PICK1: variants seen among roughly 807,000 people sequenced by gnomAD.
PICK1 encodes the protein PRKCA-binding protein.
PICK1 carries 23 observed loss-of-function variants against 48.9 expected under a neutral mutation model. The observed-to-expected ratio is 0.47, with a 90% CI of 0.34 to 0.67. The LOEUF is 0.67. Ranked by LOEUF, PICK1 falls within the 30% of genes least tolerant of loss-of-function variation. The pLI is 0.01. For missense variants in PICK1, 423 were observed against 557.1 expected (o/e 0.76, Z 2.42); for synonymous variants, 217 against 228.2 (o/e 0.95, Z 0.44).
intron 3 of PICK1, among the ~76,000 whole-genome samples, chr22:38,063,757 C>T (rs1447128685): frequency 6.6e-6 from 1 of 151,838 alleles, no homozygotes; most frequent in Non-Finnish European, 1.5e-5. Flanking sequence ...ATCCTCCCAC[C>T]TCAGCCTCCC....
Position 38,067,588 on chromosome 22 carries a change from T to C in PICK1, c.283-116T>C, listed in dbSNP as rs2085560666. On this transcript the variant is annotated intron_variant, in intron 4 of 12. Coordinates refer to ENST00000356976, the MANE Select transcript of PICK1 (RefSeq NM_012407.4). ...CCTCCCAAATTGTTGGGATTACAGG[T>C]GTGAGCCACCGCACCCGGCCTTGGG... is the stretch of plus-strand genomic sequence containing the variant. The C allele has an allele frequency of 8.2e-6, 7 of 852,440 alleles. No individual in the cohort carries two copies. In the Admixed American group the frequency reaches 1.3e-4, roughly 16 times the overall value. 52.8% of individuals were successfully genotyped at this position (852,440 alleles called of 1,614,324 possible).
At chr22:38,061,987 T>C (rs1009989959) in intron 3 of PICK1, among the ~76,000 whole-genome samples, 2 of 152,170 alleles carry the variant, frequency 1.3e-5, no homozygotes, top group African/African-American at 4.8e-5. Context: ...ACAACGGAGA[T>C]TTTGTTCGGG....
At chr22:38,059,461 C>T in intron 3 of PICK1, 116 bp downstream of exon 3, 1 of 768,664 alleles carries the variant, frequency 1.3e-6, no homozygotes, top group African/African-American at 1.7e-5. Context: ...GTCTGACCCT[C>T]TCAGAGGGGC....
intron 6 of PICK1, among the ~76,000 whole-genome samples, chr22:38,069,479 C>T (rs2085621135): frequency 1.3e-5 from 2 of 152,228 alleles, no homozygotes; most frequent in Admixed American, 1.3e-4. Context: ...GCTGCCCTTG[C>T]CTCTGCAGGT....
intron 3 of PICK1, among the ~76,000 whole-genome samples, chr22:38,060,249 G>A (rs1488584378): frequency 6.6e-6 from 1 of 152,202 alleles, no homozygotes; most frequent in East Asian, 1.9e-4. Flanking sequence ...GCATTAAGCA[G>A]TAGCTGCTGC....
In PICK1 at chr22:38,073,635, A is replaced by T; in HGVS notation, c.784-138A>T. 1 of 808,002 alleles carries T rather than the reference A, an allele frequency of 1.2e-6. No individual in the cohort carries two copies. The allele number at this position is 808,002 out of a possible 1,614,324, so 50.1% of individuals were successfully genotyped here. A position where few individuals can be genotyped will look rare whatever the true frequency, so the allele number is the denominator to read the frequency against. ...TAAGCCTCAGGCCCTGTCATCCCTC[A>T]GCACCTGCCGCTGCCCGCTCTGGGA... On this transcript the variant is annotated intron_variant, in intron 10 of 12. Coordinates refer to ENST00000356976, the MANE Select transcript of PICK1 (RefSeq NM_012407.4). This position sits in a 1 kb window ranked among gnomAD's most constrained non-coding sequence, Gnocchi z 5.7.
At chr22:38,070,070 T>A (rs1311843759) in intron 6 of PICK1, among the ~76,000 whole-genome samples, 1 of 152,170 alleles carries the variant, frequency 6.6e-6, no homozygotes, top group African/African-American at 2.4e-5. Context: ...CCCCAAGACC[T>A]CTGAATTGCT....
At position 38,073,114 on chromosome 22, in the gene PICK1, G is replaced by C. The variant is rs750959771; in HGVS notation, c.783+22G>C. ...CCTGGTGAGTAGTCCAGGTGCCCAG[G>C]CTGCTAGGGCAAGCGCCCACCCTGG... On this transcript the variant is annotated intron_variant, in intron 10 of 12. Coordinates refer to ENST00000356976, the MANE Select transcript of PICK1 (RefSeq NM_012407.4). The surrounding 1 kb of genome is among the most constrained non-coding windows in gnomAD (Gnocchi z 5.7). 2 of 1,511,328 alleles carry C rather than the reference G, an allele frequency of 1.3e-6. No individual in the cohort carries two copies. The highest frequency in any genetic ancestry group is 9.2e-7 in the Non-Finnish European group (1 of 1,086,708). 93.6% of individuals were successfully genotyped at this position (1,511,328 alleles called of 1,614,324 possible). A position where few individuals can be genotyped will look rare whatever the true frequency, so the allele number is the denominator to read the frequency against.
In PICK1 at chr22:38,069,013, G is replaced by A; in HGVS notation, c.350-20G>A. On this transcript the variant is annotated intron_variant, in intron 5 of 12. Transcript: ENST00000356976. ...CTCTGGGCAGCCACAGACTCACCAG[G>A]TCCTTTGTCCCCCGCTCAGTGTTGA... The A allele has an allele frequency of 6.2e-7, 1 of 1,604,414 alleles. No individual in the cohort carries two copies. Among genetic ancestry groups the A allele is most frequent in the Non-Finnish European group, 8.5e-7 (1 of 1,173,806 alleles).
chr22:38,075,250 C>T lies in PICK1; in HGVS notation c.*118C>T. On this transcript the variant is annotated 3_prime_UTR_variant, in exon 13 of 13. Coordinates refer to ENST00000356976, the MANE Select transcript of PICK1 (RefSeq NM_012407.4). ...AGGCCTGCTGGCTTGGGGCGCCTGC[C>T]TCCCTGCTCCTCTGTCCTCGCACAG... 1.0e-6 allele frequency: 1 copy of T among 962,896 alleles called. No individual in the cohort carries two copies. The highest frequency in any genetic ancestry group is 1.7e-5 in the South Asian group (1 of 58,652). 59.6% of individuals were successfully genotyped at this position (962,896 alleles called of 1,614,324 possible).
intron 5 of PICK1, chr22:38,068,001 C>A: frequency 1.6e-6 from 1 of 643,354 alleles, no homozygotes; most frequent in East Asian, 3.2e-5. Context: ...CACTCCCCCG[C>A]GTTTCACCCC....
intron 8 of PICK1, 89 bp downstream of exon 8, chr22:38,071,833 C>G: frequency 8.7e-7 from 1 of 1,155,196 alleles, no homozygotes. Context: ...ACCCACAGCG[C>G]CTGACCTCAG....
chr22:38,061,169 C>G lies in PICK1; in HGVS notation c.153+1824C>G, dbSNP rs181788402. Among the ~76,000 whole-genome samples the G allele has an allele frequency of 2.3e-3, 355 of 152,140 alleles. 1 individual carries two copies. Among genetic ancestry groups the G allele is most frequent in the Middle Eastern group, 6.8e-3 (2 of 294 alleles). Reference sequence around the variant, plus strand: ...CAAGCTTGGCCAACATGGTGAAACCCTGTCTCTACTAAAATACAAAAATTA... The same window carrying G: ...CAAGCTTGGCCAACATGGTGAAACCGTGTCTCTACTAAAATACAAAAATTA... On this transcript the variant is annotated intron_variant, in intron 3 of 12. Coordinates refer to ENST00000356976, the MANE Select transcript of PICK1 (RefSeq NM_012407.4).
At chr22:38,060,508 T>C (rs2085372790) in intron 3 of PICK1, among the ~76,000 whole-genome samples, 1 of 152,162 alleles carries the variant, frequency 6.6e-6, no homozygotes, top group Admixed American at 6.5e-5. Flanking sequence ...GTGAGGATCT[T>C]GCTCAGGAGT....
At chr22:38,062,364 C>T (rs1380308448) in intron 3 of PICK1, among the ~76,000 whole-genome samples, 1 of 151,870 alleles carries the variant, frequency 6.6e-6, no homozygotes. Context: ...TCCCCTGCCT[C>T]AGCCTCCGAA....
Position 38,066,341 on chromosome 22 carries a change from C to T in PICK1, c.282+1211C>T, listed in dbSNP as rs1368410924. On this transcript the variant is annotated intron_variant, in intron 4 of 12. Coordinates refer to ENST00000356976, the MANE Select transcript of PICK1 (RefSeq NM_012407.4). The surrounding 1 kb of genome is among the most constrained non-coding windows in gnomAD (Gnocchi z 4.1). ...GTGCCCCATTTGGCAGCCCTTCCCC[C>T]CTCCGCATCTCCTCCCCATCTCCAC... Among the ~76,000 whole-genome samples, 1 of 152,196 alleles carries T rather than the reference C, an allele frequency of 6.6e-6. No individual in the cohort carries two copies. The highest frequency in any genetic ancestry group is 1.5e-5 in the Non-Finnish European group (1 of 68,034).
chr22:38,074,025 G>A lies in PICK1; in HGVS notation c.834+202G>A, dbSNP rs2085767758. The A allele has an allele frequency of 4.7e-6, 3 of 642,580 alleles. No homozygotes were observed. Among genetic ancestry groups the A allele is most frequent in the Non-Finnish European group, 8.1e-6 (3 of 368,474 alleles). The allele number at this position is 642,580 out of a possible 1,614,324, so 39.8% of individuals were successfully genotyped here. ...GCCGGGAACCACTCCCTCAGTCTGG[G>A]GGACTCTTGGAGGGAAATCGGATTT... On this transcript the variant is annotated intron_variant, in intron 11 of 12. Transcript: ENST00000356976. The surrounding 1 kb of genome is among the most constrained non-coding windows in gnomAD (Gnocchi z 4.5).
chr22:38,062,695 C>T (rs1300614113), intron 3 of PICK1, among the ~76,000 whole-genome samples: 2 of 151,672 alleles, frequency 1.3e-5, no homozygotes, highest in Non-Finnish European at 2.9e-5. Flanking sequence ...CCTCCTGTAG[C>T]TTTCTGAGAA....
intron 3 of PICK1, among the ~76,000 whole-genome samples, chr22:38,064,076 G>A (rs764405871): frequency 1.2e-4 from 18 of 151,658 alleles, no homozygotes; most frequent in Admixed American, 4.6e-4. Flanking sequence ...TATTATCTTC[G>A]AGACAGAGTC....
Sources: allele counts gnomAD v4.1 joint callset (sites outside exome capture counted in the v4.1 genomes callset), GRCh38; gene constraint gnomAD v4.1.1; non-coding constraint Gnocchi (gnomAD v3.1); transcripts MANE v1.5; gene names NCBI Gene and HGNC (gene_info 2026-07-23, HGNC 2026-07-21).